SLC9A9: variants seen among roughly 807,000 people sequenced by gnomAD.
The protein encoded by SLC9A9 is solute carrier family 9 member A9.
Under a neutral mutation model 77.8 loss-of-function variants are expected in SLC9A9, and 62 were observed. The observed-to-expected ratio is 0.80, with a 90% confidence interval of 0.65 to 0.98. The LOEUF (loss-of-function observed/expected upper bound fraction) is 0.98, where lower values mean the gene tolerates loss of function less well. SLC9A9 is among the 50% of genes least tolerant of loss of function. SLC9A9 has a pLI of 0.00. For synonymous variants in SLC9A9, 320 were observed against 283.5 expected, an observed-to-expected ratio of 1.13 and a Z score of -1.29; for missense variants, 775 against 774.9, an observed-to-expected ratio of 1.00 and a Z score of 0.00.
intron 6 of SLC9A9, among the ~76,000 whole-genome samples, chr3:143,644,047 T>C (rs895885737): frequency 9.2e-5 from 14 of 151,864 alleles, no homozygotes; most frequent in African/African-American, 3.1e-4. Context: ...GCTATCTATC[T>C]GCACCATGAA....
At chr3:143,593,502 C>A (rs2037695505) in intron 6 of SLC9A9, among the ~76,000 whole-genome samples, 1 of 152,160 alleles carries the variant, frequency 6.6e-6, no homozygotes, top group Non-Finnish European at 1.5e-5. Flanking sequence ...CCTATTATCA[C>A]CTTCTTGGAA....
At chr3:143,405,688 T>C (rs945312099) in intron 12 of SLC9A9, among the ~76,000 whole-genome samples, 4 of 152,180 alleles carry the variant, frequency 2.6e-5, no homozygotes, top group African/African-American at 7.2e-5. Context: ...TGGGAAACAC[T>C]AGTGGTCTGC....
At chr3:143,598,045 A>G (rs1243125231) in intron 6 of SLC9A9, among the ~76,000 whole-genome samples, 1 of 152,038 alleles carries the variant, frequency 6.6e-6, no homozygotes, top group Non-Finnish European at 1.5e-5. Flanking sequence ...GTACCCACTT[A>G]CCAATTCCCT....
At chr3:143,415,163 A>G (rs2140764) in intron 12 of SLC9A9, among the ~76,000 whole-genome samples, 129,320 of 152,224 alleles carry the variant, frequency 0.85, 55,178 homozygotes, top group African/African-American at 0.92. Flanking sequence ...AGCAGAAGCT[A>G]GCTCATAAGG....
At chr3:143,703,368 T>C (rs1265893546) in intron 4 of SLC9A9, among the ~76,000 whole-genome samples, 1 of 152,048 alleles carries the variant, frequency 6.6e-6, no homozygotes, top group African/African-American at 2.4e-5. Flanking sequence ...ATCAAGCATC[T>C]TCTCTGACCA....
At chr3:143,541,863 T>A (rs1390637054) in intron 9 of SLC9A9, among the ~76,000 whole-genome samples, 1 of 152,220 alleles carries the variant, frequency 6.6e-6, no homozygotes, top group Middle Eastern at 3.2e-3. Flanking sequence ...AACTGAGAAG[T>A]TATAGTCCAA....
At chr3:143,374,357 G>A (rs1267909163) in intron 13 of SLC9A9, among the ~76,000 whole-genome samples, 1 of 149,596 alleles carries the variant, frequency 6.7e-6, no homozygotes, top group Non-Finnish European at 1.5e-5. Context: ...CCCGGGAGGC[G>A]GAGCTTGCAG....
chr3:143,774,189 T>A (rs182084930), intron 4 of SLC9A9, among the ~76,000 whole-genome samples: 89 of 152,334 alleles, frequency 5.8e-4, no homozygotes, highest in Non-Finnish European at 1.1e-3. Flanking sequence ...ACAGTTGGAT[T>A]TTAAACTCAG....
intron 8 of SLC9A9, among the ~76,000 whole-genome samples, chr3:143,571,524 T>C (rs1435651800): frequency 6.6e-6 from 1 of 152,158 alleles, no homozygotes; most frequent in Admixed American, 6.5e-5. Context: ...TTAAATACAC[T>C]GTCCATTCTG....
At chr3:143,685,910 T>C (rs990595043) in intron 5 of SLC9A9, among the ~76,000 whole-genome samples, 5 of 152,184 alleles carry the variant, frequency 3.3e-5, no homozygotes, top group Non-Finnish European at 7.4e-5. Flanking sequence ...ATTTGCTACA[T>C]GGTTGGACAA....
At chr3:143,835,072 A>G (rs937572132) in intron 1 of SLC9A9, among the ~76,000 whole-genome samples, 2 of 152,150 alleles carry the variant, frequency 1.3e-5, no homozygotes, top group South Asian at 4.1e-4. Context: ...AATCTTGCCA[A>G]ACTTTTCCTA....
intron 4 of SLC9A9, among the ~76,000 whole-genome samples, chr3:143,759,921 C>G (rs1576707302): frequency 6.6e-6 from 1 of 151,974 alleles, no homozygotes. Flanking sequence ...ACAAAATAAC[C>G]CAACCAAGCC....
intron 2 of SLC9A9, among the ~76,000 whole-genome samples, chr3:143,812,553 T>C (rs2008896658): frequency 6.6e-6 from 1 of 152,254 alleles, no homozygotes; most frequent in Non-Finnish European, 1.5e-5. Context: ...ATTTCCTTTT[T>C]GTCCTGGTCA....
intron 5 of SLC9A9, among the ~76,000 whole-genome samples, chr3:143,668,451 G>A (rs889163543): frequency 9.2e-5 from 14 of 152,062 alleles, no homozygotes; most frequent in Admixed American, 6.6e-4. Flanking sequence ...TGCACGTTGT[G>A]CACATGTACT....
rs1437264898 is a variant in SLC9A9 at position 143,846,635 on chromosome 3, CT to C, written c.175+1512del. ...TTGGGAGGCCAAGGTCAGTGGATCT[CT>C]TTAGGCCAGGAGTTGGAGACCAGCC... is the stretch of plus-strand genomic sequence containing the variant. On this transcript the variant is annotated intron_variant, in intron 1 of 15. Coordinates refer to ENST00000316549, the MANE Select transcript of SLC9A9 (RefSeq NM_173653.4). Among the ~76,000 whole-genome samples the C allele has an allele frequency of 9.2e-5, 14 of 151,962 alleles. No individual in the cohort carries two copies. In the East Asian group the frequency reaches 2.1e-3, roughly 23 times the overall value.
intron 4 of SLC9A9, among the ~76,000 whole-genome samples, chr3:143,740,531 TA>T (rs1322289850): frequency 6.6e-6 from 1 of 152,182 alleles, no homozygotes; most frequent in African/African-American, 2.4e-5. Context: ...TTTCTTCTAG[TA>T]AAATTAAAAT....
At chr3:143,606,842 A>G (rs1168009399) in intron 6 of SLC9A9, among the ~76,000 whole-genome samples, 1 of 152,128 alleles carries the variant, frequency 6.6e-6, no homozygotes, top group Non-Finnish European at 1.5e-5. Flanking sequence ...ATAGTCCAAC[A>G]TATATCTGTT....
Position 143,363,552 on chromosome 3 carries a change from G to A in SLC9A9, c.1536C>T (p.Asn512=). 1.2e-6 allele frequency: 2 copies of A among 1,612,678 alleles called. No homozygotes were observed. The highest frequency in any genetic ancestry group is 1.7e-6 in the Non-Finnish European group (2 of 1,179,064). The change falls in exon 14 of 16, where the codon AAC becomes AAT. Residue 512 remains asparagine (N), a synonymous_variant. Coordinates refer to ENST00000316549, the MANE Select transcript of SLC9A9 (RefSeq NM_173653.4). ...CTGCTTTCGTCATGTTTTTATCCAA[G>A]TTATTTGCTTCCTGGGGAGAAACAA... is the stretch of plus-strand genomic sequence containing the variant. ...DPSSQHQEAN[N]LDKNMTKAES...
intron 14 of SLC9A9, among the ~76,000 whole-genome samples, chr3:143,354,199 C>T (rs1030838070): frequency 6.6e-6 from 1 of 152,188 alleles, no homozygotes; most frequent in Non-Finnish European, 1.5e-5. Flanking sequence ...GCTCTTCCTC[C>T]CTTCTCATTA....
Sources: gnomAD v4.1 joint callset for allele counts (sites outside exome capture counted in the v4.1 genomes callset) on GRCh38, gnomAD v4.1.1 for gene constraint, MANE v1.5 for transcripts, NCBI Gene and HGNC (gene_info 2026-07-23, HGNC 2026-07-21) for gene names.